The following NLRP14 variants were observed in gnomAD, a reference collection of about 807,000 sequenced individuals.
The protein encoded by NLRP14 is NACHT, LRR and PYD domains-containing protein 14.
Under a neutral mutation model 94.7 loss-of-function variants are expected in NLRP14, and 105 were observed. The observed-to-expected ratio is 1.11, with a 90% confidence interval of 0.95 to 1.30. The LOEUF is 1.30. NLRP14 is among the 50% of genes most tolerant of loss of function. NLRP14 has a pLI of 0.00. For missense variants in NLRP14, 1,362 were observed against 1,254.1 expected, an observed-to-expected ratio of 1.09 and a Z score of -1.30; for synonymous variants, 508 against 459.9, an observed-to-expected ratio of 1.10 and a Z score of -1.34.
At chr11:7,040,734 T>C (rs958539622) in intron 3 of NLRP14, among the ~76,000 whole-genome samples, 2 of 152,208 alleles carry the variant, frequency 1.3e-5, no homozygotes, top group Non-Finnish European at 2.9e-5. Flanking sequence ...CAAGAAATAA[T>C]TGAAAACTTA....
chr11:7,037,478 T>G (rs1403267115), intron 1 of NLRP14, among the ~76,000 whole-genome samples: 3 of 152,168 alleles, frequency 2.0e-5, no homozygotes, highest in African/African-American at 7.2e-5. Flanking sequence ...GGCAGGAATT[T>G]TAGTGAAAGA....
intron 10 of NLRP14, among the ~76,000 whole-genome samples, chr11:7,064,893 C>A (rs1350583887): frequency 6.6e-6 from 1 of 151,610 alleles, no homozygotes; most frequent in Non-Finnish European, 1.5e-5. Context: ...TGTTATAAAC[C>A]ACATTTTCAT....
chr11:7,021,933 T>A (rs7924566), intron 1 of NLRP14, among the ~76,000 whole-genome samples: 145,803 of 151,382 alleles, frequency 0.96, 70,466 homozygotes, highest in Middle Eastern at 1. Context: ...CTGAACCTCA[T>A]TGAACTAACC....
chr11:7,040,224 A>G (rs570485466), intron 3 of NLRP14, among the ~76,000 whole-genome samples: 7 of 152,034 alleles, frequency 4.6e-5, no homozygotes, highest in African/African-American at 1.2e-4. Context: ...GGGGTCCCCA[A>G]CTCCTGGGCC....
At chr11:7,048,428 G>A (rs1430711486) in intron 5 of NLRP14, among the ~76,000 whole-genome samples, 2 of 152,126 alleles carry the variant, frequency 1.3e-5, no homozygotes, top group Admixed American at 1.3e-4. Flanking sequence ...ATATGTACAA[G>A]GTACATTTGT....
chr11:7,038,901 G>C (rs760140129), intron 2 of NLRP14, 26 bp downstream of exon 2: 3 of 1,609,430 alleles, frequency 1.9e-6, no homozygotes, highest in Non-Finnish European at 2.5e-6. Context: ...GGCAAATCGG[G>C]GGCTAGGCAG....
the NLRP14 span, among the ~76,000 whole-genome samples, chr11:7,080,696 T>C: frequency 2.0e-5 from 3 of 152,200 alleles, no homozygotes; most frequent in African/African-American, 7.2e-5. Flanking sequence ...TCAAATGTTA[T>C]ATGTTAAACA....
At chr11:7,078,462 A>AAAAAATG in the NLRP14 span, among the ~76,000 whole-genome samples, 1 of 88,486 alleles carries the variant, frequency 1.1e-5, no homozygotes, top group Non-Finnish European at 2.0e-5. Flanking sequence ...AAAAAAAAAA[A>AAAAAATG]CAAAAAAATT....
the NLRP14 span, chr11:7,089,806 G>C: frequency 1.2e-6 from 2 of 1,605,756 alleles, no homozygotes; most frequent in Non-Finnish European, 1.7e-6. Flanking sequence ...CGCGAACCCC[G>C]GGGTTTTGCC....
intron 10 of NLRP14, among the ~76,000 whole-genome samples, chr11:7,067,549 G>C (rs1161886326): frequency 6.6e-6 from 1 of 152,132 alleles, no homozygotes; most frequent in Non-Finnish European, 1.5e-5. Context: ...CATTGATTTT[G>C]TATCCTGAGA....
intron 3 of NLRP14, 101 bp downstream of exon 3, chr11:7,039,886 T>G: frequency 1.1e-6 from 1 of 924,554 alleles, no homozygotes; most frequent in South Asian, 1.3e-5. Flanking sequence ...CTTGTTAACT[T>G]CTTCTAATAC....
chr11:7,024,424 A>G (rs181508182), intron 1 of NLRP14, among the ~76,000 whole-genome samples: 10 of 152,328 alleles, frequency 6.6e-5, no homozygotes, highest in African/African-American at 1.7e-4. Flanking sequence ...GGTTTCTGCT[A>G]TTGAACCTGG....
chr11:7,035,480 A>T (rs967581196), intron 1 of NLRP14, among the ~76,000 whole-genome samples: 1 of 152,236 alleles, frequency 6.6e-6, no homozygotes, highest in African/African-American at 2.4e-5. Flanking sequence ...ATTGGCATCA[A>T]ATAGGTAGAA....
intron 1 of NLRP14, among the ~76,000 whole-genome samples, chr11:7,034,378 G>A (rs952801093): frequency 1.2e-4 from 18 of 152,052 alleles, no homozygotes; most frequent in African/African-American, 3.6e-4. Flanking sequence ...AGATGCTATC[G>A]GCTCATCGTA....
chr11:7,067,668 A>G lies in NLRP14; in HGVS notation c.2976-2618A>G, dbSNP rs1000478532. Among the ~76,000 whole-genome samples the G allele has an allele frequency of 3.9e-5, 6 of 152,198 alleles. No individual in the cohort carries two copies. In the East Asian group the frequency reaches 1.2e-3, roughly 29 times the overall value. The stretch of plus-strand genomic sequence containing the variant: ...ATTTTTTGGAGTAAAACCAACTTGG[A>G]CATATCTCCTGTGTACATTGTGTAA... On this transcript the variant is annotated intron_variant, in intron 10 of 11. Coordinates refer to ENST00000299481, the MANE Select transcript of NLRP14 (RefSeq NM_176822.4).
chr11:7,071,212 G>T lies in NLRP14; in HGVS notation c.3186G>T (p.Leu1062=). 1 of 1,613,876 alleles carries T rather than the reference G, an allele frequency of 6.2e-7. No individual in the cohort carries two copies. Among genetic ancestry groups the T allele is most frequent in the Non-Finnish European group, 8.5e-7 (1 of 1,179,918 alleles). Residue 1062 remains leucine, a synonymous_variant, in exon 12 of 12, where the codon CTG becomes CTT. Coordinates refer to ENST00000299481, the MANE Select transcript of NLRP14 (RefSeq NM_176822.4). ...CATTTGATGAGGAAGCCCAGAAGCT[G>T]CTGGAAGCTGTGGGAGTTAGCAATC... is the stretch of plus-strand genomic sequence containing the variant. ...KEAFDEEAQK[L]LEAVGVSNPH... is the part of the protein sequence containing the mutation.
At chr11:7,053,721 C>G (rs944195807) in intron 6 of NLRP14, among the ~76,000 whole-genome samples, 1 of 147,096 alleles carries the variant, frequency 6.8e-6, no homozygotes, top group Admixed American at 6.8e-5. Context: ...TATTTTGATA[C>G]AAGCATGCAA....
chr11:7,071,258 G>C lies in NLRP14; in HGVS notation c.3232G>C (p.Asp1078His). ...VSNPHLIIKPDCNYHNEEDVS... is the reference protein window; with the variant it reads ...VSNPHLIIKPHCNYHNEEDVS... ...CAATCCACACTTAATCATTAAGCCA[G>C]ATTGTAACTATCATAATGAAGAAGA... Residue 1078 changes from aspartate (D) to histidine (H), a missense_variant, in exon 12 of 12, where the codon GAT (aspartate) becomes CAT (histidine). Coordinates refer to ENST00000299481, the MANE Select transcript of NLRP14 (RefSeq NM_176822.4). The C allele has an allele frequency of 6.2e-7, 1 of 1,613,596 alleles. No individual in the cohort carries two copies.
Position 7,044,238 on chromosome 11 carries a change from G to A in NLRP14, c.1958+254G>A, listed in dbSNP as rs185403509. 1.1e-3 allele frequency among the ~76,000 whole-genome samples: 164 copies of A among 152,274 alleles called. 1 individual carries two copies. Among genetic ancestry groups the A allele is most frequent in the African/African-American group, 3.5e-3 (147 of 41,550 alleles). On this transcript the variant is annotated intron_variant, in intron 4 of 11. Transcript: ENST00000299481. ...AATACCAGGAGAGGGACTGGGCTGA[G>A]GACTCTCAATTGTTGACAATCTCAA...
Sources: gnomAD v4.1 joint callset for allele counts (sites outside exome capture counted in the v4.1 genomes callset) on GRCh38, gnomAD v4.1.1 for gene constraint, MANE v1.5 for transcripts, NCBI Gene and HGNC (gene_info 2026-07-23, HGNC 2026-07-21) for gene names.